The following DGKB variants were observed in gnomAD, a reference collection of about 807,000 sequenced individuals.
DGKB encodes diacylglycerol kinase beta.
In DGKB, 67 loss-of-function variants were observed where a neutral mutation model predicts 114.3. The ratio of observed to expected loss-of-function variants is 0.59; its 90% CI spans 0.48 to 0.72. The LOEUF (loss-of-function observed/expected upper bound fraction) is 0.72. Ranked by LOEUF, DGKB falls within the 30% of genes least tolerant of loss-of-function variation. The probability of loss-of-function intolerance (pLI) is 0.00; values close to 1 mark genes in which losing one functional copy is unlikely to be tolerated. For synonymous variants in DGKB, 398 were observed against 323.1 expected (o/e 1.23, Z -2.49); for missense variants, 907 against 975.2 (o/e 0.93, Z 0.93).
At chr7:14,629,446 C>T (rs754076749) in intron 14 of DGKB, among the ~76,000 whole-genome samples, 2 of 151,856 alleles carry the variant, frequency 1.3e-5, no homozygotes, top group African/African-American at 2.4e-5. Context: ...GCAGTTATGA[C>T]ACTTTTTTAC....
At chr7:14,629,076 C>T (rs1809186448) in intron 14 of DGKB, among the ~76,000 whole-genome samples, 2 of 151,830 alleles carry the variant, frequency 1.3e-5, no homozygotes, top group South Asian at 4.2e-4. Flanking sequence ...AAATGCAATG[C>T]CTATATTTGC....
chr7:14,744,073 C>T (rs1289524357), intron 4 of DGKB, among the ~76,000 whole-genome samples: 1 of 152,130 alleles, frequency 6.6e-6, no homozygotes, highest in Non-Finnish European at 1.5e-5. Flanking sequence ...TGAAACATTG[C>T]TGGTCCTTGT....
In DGKB at chr7:14,468,694, T is replaced by A. The variant is rs191247362; in HGVS notation, c.1835+9467A>T. Among the ~76,000 whole-genome samples the A allele has an allele frequency of 2.0e-5, 3 of 151,982 alleles. No homozygotes were observed. The East Asian group carries it at 5.8e-4, about 29-fold the overall frequency. ...TAGGCATACAAGCTACAACAATGAGTAGAAATTTTTTCTAAAAGTGGTTTT... is the reference window on the plus strand; with the variant it reads ...TAGGCATACAAGCTACAACAATGAGAAGAAATTTTTTCTAAAAGTGGTTTT... On this transcript the variant is annotated intron_variant, in intron 21 of 25. Coordinates refer to ENST00000402815, the MANE Select transcript of DGKB (RefSeq NM_001350709.2).
Position 14,628,631 on chromosome 7 carries a change from A to G in DGKB, c.1167+1605T>C, listed in dbSNP as rs571040110. On this transcript the variant is annotated intron_variant, in intron 14 of 25. Transcript: ENST00000402815. ...ATTTAATGTATGTATATATCTTTCT[A>G]TATGTTCTCCCACATATACTTTAAC... 2.0e-5 allele frequency among the ~76,000 whole-genome samples: 3 copies of G among 152,280 alleles called. No homozygotes were observed. In the South Asian group the frequency reaches 6.2e-4, roughly 32 times the overall value.
chr7:14,541,007 A>G (rs1028720372), intron 20 of DGKB, among the ~76,000 whole-genome samples: 1 of 152,210 alleles, frequency 6.6e-6, no homozygotes, highest in African/African-American at 2.4e-5. Context: ...TTGTGGCTGC[A>G]TCTGAAGCCA....
intron 20 of DGKB, among the ~76,000 whole-genome samples, chr7:14,523,224 G>A (rs187092405): frequency 2.6e-5 from 4 of 152,024 alleles, no homozygotes; most frequent in Admixed American, 6.6e-5. Flanking sequence ...AACTTTTCTC[G>A]GCAGTCATAA....
At chr7:14,939,255 G>C (rs1466970701) in intron 1 of DGKB, among the ~76,000 whole-genome samples, 1 of 152,088 alleles carries the variant, frequency 6.6e-6, no homozygotes, top group Non-Finnish European at 1.5e-5. Flanking sequence ...TTCAAATTTT[G>C]ATTTACAGAA....
At chr7:14,316,686 G>A (rs972320282) in intron 23 of DGKB, among the ~76,000 whole-genome samples, 1 of 146,496 alleles carries the variant, frequency 6.8e-6, no homozygotes, top group Non-Finnish European at 1.5e-5. Context: ...TGGATTCACA[G>A]CCGAATTCTA....
At chr7:14,804,384 AT>A (rs1656704321) in intron 2 of DGKB, among the ~76,000 whole-genome samples, 2 of 151,926 alleles carry the variant, frequency 1.3e-5, no homozygotes, top group Admixed American at 1.3e-4. Flanking sequence ...TAGTCTAAGT[AT>A]TTATTTTCTA....
chr7:14,752,927 T>C (rs893125276), intron 4 of DGKB, among the ~76,000 whole-genome samples: 9 of 152,124 alleles, frequency 5.9e-5, no homozygotes, highest in African/African-American at 2.2e-4. Context: ...TAGTCCATAT[T>C]TGGGGAAACA....
rs529369449 is a variant in DGKB, at chr7:14,687,329, G to C, written c.712-1967C>G. On this transcript the variant is annotated intron_variant, in intron 9 of 25. Coordinates refer to ENST00000402815, the MANE Select transcript of DGKB (RefSeq NM_001350709.2). Reference sequence around the variant, plus strand: ...TGACATTGCTCAGATTTACCTTTCTGACAAGGGGCTAACAAAGTCTCAACA... The same window carrying C: ...TGACATTGCTCAGATTTACCTTTCTCACAAGGGGCTAACAAAGTCTCAACA... Among the ~76,000 whole-genome samples the C allele has an allele frequency of 3.3e-5, 5 of 152,252 alleles. No individual in the cohort carries two copies. In the East Asian group the frequency reaches 7.7e-4, roughly 24 times the overall value.
intron 23 of DGKB, among the ~76,000 whole-genome samples, chr7:14,326,083 T>TA (rs1297157646): frequency 6.6e-6 from 1 of 150,396 alleles, no homozygotes; most frequent in Non-Finnish European, 1.5e-5. Context: ...TTTTTTTTTT[T>TA]AACCATACAA....
chr7:14,825,529 T>C (rs1845585108), intron 2 of DGKB, among the ~76,000 whole-genome samples: 1 of 152,068 alleles, frequency 6.6e-6, no homozygotes, highest in Non-Finnish European at 1.5e-5. Flanking sequence ...ACAATAGGGT[T>C]TGTGCTCCCG....
intron 21 of DGKB, among the ~76,000 whole-genome samples, chr7:14,371,489 A>T (rs769849767): frequency 2.0e-5 from 3 of 151,950 alleles, no homozygotes; most frequent in African/African-American, 2.4e-5. Flanking sequence ...GTGTTTGTTC[A>T]TGTCTTTTGC....
At chr7:14,437,621 A>G (rs1235461983) in intron 21 of DGKB, among the ~76,000 whole-genome samples, 1 of 151,976 alleles carries the variant, frequency 6.6e-6, no homozygotes, top group Non-Finnish European at 1.5e-5. Context: ...TTCAACTAAG[A>G]TAATTGTGTT....
At chr7:14,901,620 C>T (rs1012586295) in intron 1 of DGKB, among the ~76,000 whole-genome samples, 1 of 146,948 alleles carries the variant, frequency 6.8e-6, no homozygotes. Flanking sequence ...CCCCCACCCC[C>T]CACTGCCCCA....
chr7:14,799,512 T>A (rs1432111617), intron 2 of DGKB, among the ~76,000 whole-genome samples: 2 of 152,220 alleles, frequency 1.3e-5, no homozygotes, highest in Admixed American at 6.5e-5. Context: ...AAATTCAAGA[T>A]CATTCTGTCT....
chr7:14,440,013 A>G (rs1200433301), intron 21 of DGKB, among the ~76,000 whole-genome samples: 1 of 152,118 alleles, frequency 6.6e-6, no homozygotes, highest in Admixed American at 6.6e-5. Flanking sequence ...AGATGCTAAC[A>G]AAAAACAAAA....
chr7:14,723,596 C>T (rs1036947852), intron 5 of DGKB, among the ~76,000 whole-genome samples: 4 of 147,850 alleles, frequency 2.7e-5, no homozygotes, highest in African/African-American at 8.0e-5. Flanking sequence ...TATACACATA[C>T]ACACACATAT....
Sources: allele counts gnomAD v4.1 joint callset (sites outside exome capture counted in the v4.1 genomes callset), GRCh38; gene constraint gnomAD v4.1.1; transcripts MANE v1.5; gene names NCBI Gene and HGNC (gene_info 2026-07-23, HGNC 2026-07-21).